The following TMCC1 variants were observed in gnomAD, a reference collection of about 807,000 sequenced individuals.
The protein encoded by TMCC1 is transmembrane and coiled-coil domains protein 1.
TMCC1 carries 15 observed loss-of-function variants against 52.4 expected under a neutral mutation model. The observed-to-expected ratio is 0.29, with a 90% CI of 0.19 to 0.44. The LOEUF is 0.44. Ranked by LOEUF, TMCC1 falls within the 20% of genes least tolerant of loss-of-function variation. The pLI, the probability that TMCC1 is intolerant of heterozygous loss-of-function variation, is 1.00. For missense variants in TMCC1, 503 were observed against 806.0 expected, an observed-to-expected ratio of 0.62 and a Z score of 4.55; for synonymous variants, 279 against 301.9, an observed-to-expected ratio of 0.92 and a Z score of 0.79.
chr3:129,889,618 GTC>G (rs1028614646), intron 1 of TMCC1, among the ~76,000 whole-genome samples: 1 of 152,128 alleles, frequency 6.6e-6, no homozygotes, highest in Admixed American at 6.6e-5. Flanking sequence ...AAATTTTAAA[GTC>G]TATTTTTAAA....
At position 129,828,494 on chromosome 3, in the gene TMCC1, A is replaced by T; in HGVS notation, c.-116T>A. The T allele has an allele frequency of 2.1e-6, 2 of 945,098 alleles. No individual in the cohort carries two copies. The highest frequency in any genetic ancestry group is 3.2e-6 in the Non-Finnish European group (2 of 620,642). 58.5% of individuals were successfully genotyped at this position (945,098 alleles called of 1,614,324 possible). Reference sequence around the variant, plus strand: ...GACTACGCATGCAGCTGTGAGACGAAGGCTTCATGCCTATCTAATGTTAAA... The same window carrying T: ...GACTACGCATGCAGCTGTGAGACGATGGCTTCATGCCTATCTAATGTTAAA... On this transcript the variant is annotated 5_prime_UTR_variant, in exon 4 of 7. Transcript: ENST00000393238. The surrounding 1 kb of genome is among the most constrained non-coding windows in gnomAD (Gnocchi z 4.1).
intron 4 of TMCC1, among the ~76,000 whole-genome samples, chr3:129,776,518 C>T (rs1037495714): frequency 9.2e-5 from 14 of 152,184 alleles, no homozygotes; most frequent in African/African-American, 3.1e-4. Context: ...GGAATGTGAA[C>T]ATTCAAAAGA....
Position 129,716,460 on chromosome 3 carries a change from G to A in TMCC1, c.577-45196C>T, listed in dbSNP as rs183663671. Among the ~76,000 whole-genome samples, 156 of 149,166 alleles carry A rather than the reference G, an allele frequency of 1.0e-3. 4 individuals carry two copies. The East Asian group carries it at 0.028, about 27-fold the overall frequency. ...CGCCATTCTCCTGCCTCAGCCTCCCGAGTAGCTGGGACTACAGGTGCCTGC... is the reference window on the plus strand; with the variant it reads ...CGCCATTCTCCTGCCTCAGCCTCCCAAGTAGCTGGGACTACAGGTGCCTGC... On this transcript the variant is annotated intron_variant, in intron 4 of 6. Coordinates refer to ENST00000393238, the MANE Select transcript of TMCC1 (RefSeq NM_001017395.5).
At chr3:129,836,020 A>G (rs1036707270) in intron 2 of TMCC1, among the ~76,000 whole-genome samples, 3 of 152,214 alleles carry the variant, frequency 2.0e-5, no homozygotes, top group Admixed American at 6.5e-5. Flanking sequence ...ATTACAGAAA[A>G]TAGTTCAAAG....
chr3:129,807,940 GAA>G (rs2057555570), intron 4 of TMCC1, among the ~76,000 whole-genome samples: 1 of 152,166 alleles, frequency 6.6e-6, no homozygotes, highest in Admixed American at 6.5e-5. Flanking sequence ...AGGAGTCCCA[GAA>G]CAAAAGATGT....
intron 4 of TMCC1, among the ~76,000 whole-genome samples, chr3:129,680,007 T>C (rs1056376344): frequency 5.9e-5 from 9 of 152,222 alleles, no homozygotes; most frequent in African/African-American, 2.2e-4. Context: ...CATCAGAGAT[T>C]GACTTTTAAA....
chr3:129,834,802 G>A (rs1024592134), intron 2 of TMCC1, among the ~76,000 whole-genome samples: 1 of 152,280 alleles, frequency 6.6e-6, no homozygotes, highest in East Asian at 1.9e-4. Flanking sequence ...TGCTAAAAAA[G>A]CATCTGATAA....
chr3:129,687,262 C>T (rs539884437), intron 4 of TMCC1, among the ~76,000 whole-genome samples: 1 of 151,876 alleles, frequency 6.6e-6, no homozygotes. Context: ...TAACACCTGC[C>T]TAAGTTAGGA....
At chr3:129,738,816 A>G (rs1172087741) in intron 4 of TMCC1, among the ~76,000 whole-genome samples, 1 of 151,104 alleles carries the variant, frequency 6.6e-6, no homozygotes, top group African/African-American at 2.4e-5. Context: ...AATAATTAAA[A>G]TCTTTTTTTT....
intron 1 of TMCC1, among the ~76,000 whole-genome samples, chr3:129,881,209 A>T (rs2061444354): frequency 6.6e-6 from 1 of 152,190 alleles, no homozygotes; most frequent in Non-Finnish European, 1.5e-5. Context: ...GATCACATGG[A>T]GGTAATACCA....
At chr3:129,686,196 A>G (rs2089396153) in intron 4 of TMCC1, among the ~76,000 whole-genome samples, 2 of 152,202 alleles carry the variant, frequency 1.3e-5, no homozygotes, top group Admixed American at 6.5e-5. Flanking sequence ...TAGAATAAAC[A>G]AGAATCTGAA....
At chr3:129,838,288 C>T (rs1446915459) in intron 2 of TMCC1, among the ~76,000 whole-genome samples, 1 of 152,020 alleles carries the variant, frequency 6.6e-6, no homozygotes, top group Non-Finnish European at 1.5e-5. Flanking sequence ...TGCCTGTGGT[C>T]CCAGCTACTT....
intron 2 of TMCC1, among the ~76,000 whole-genome samples, chr3:129,877,175 CAATCA>C (rs1462300235): frequency 6.6e-6 from 1 of 152,192 alleles, no homozygotes; most frequent in Non-Finnish European, 1.5e-5. Context: ...ACAACATCTC[CAATCA>C]GTCTTTAACC....
chr3:129,745,845 T>A (rs1576663336), intron 4 of TMCC1, among the ~76,000 whole-genome samples: 1 of 150,612 alleles, frequency 6.6e-6, no homozygotes, highest in South Asian at 2.1e-4. Context: ...CTGCATATAA[T>A]CCCAGCTACT....
intron 2 of TMCC1, among the ~76,000 whole-genome samples, chr3:129,840,351 T>G (rs1318778453): frequency 1.1e-5 from 1 of 92,554 alleles, no homozygotes; most frequent in African/African-American, 4.2e-5. Context: ...AAAAGCAAGA[T>G]CAAGCTATAT....
intron 1 of TMCC1, among the ~76,000 whole-genome samples, chr3:129,889,951 C>CACTT (rs111872713): frequency 0.37 from 54,467 of 148,658 alleles, 15,045 homozygotes; most frequent in African/African-American, 0.77. Context: ...AAACTAAGCT[C>CACTT]ACAACAACCA....
intron 4 of TMCC1, among the ~76,000 whole-genome samples, chr3:129,763,609 A>G (rs962029220): frequency 2.6e-5 from 4 of 150,996 alleles, no homozygotes; most frequent in Non-Finnish European, 5.9e-5. Context: ...TTTAATATTT[A>G]ACAAATTATA....
intron 2 of TMCC1, among the ~76,000 whole-genome samples, chr3:129,841,259 C>CA (rs1234767477): frequency 6.6e-6 from 1 of 152,176 alleles, no homozygotes; most frequent in East Asian, 1.9e-4. Flanking sequence ...TTCTAAGCAG[C>CA]AAAGCATTCA....
intron 4 of TMCC1, among the ~76,000 whole-genome samples, chr3:129,799,919 TTATA>T (rs574746271): frequency 6.6e-6 from 1 of 151,948 alleles, no homozygotes; most frequent in Non-Finnish European, 1.5e-5. Context: ...ACATTCACTG[TTATA>T]TATATATACA....
Sources: allele counts gnomAD v4.1 joint callset (sites outside exome capture counted in the v4.1 genomes callset), GRCh38; gene constraint gnomAD v4.1.1; non-coding constraint Gnocchi (gnomAD v3.1); transcripts MANE v1.5; gene names NCBI Gene and HGNC (gene_info 2026-07-23, HGNC 2026-07-21).